Variants in DPYD observed in about 807,000 individuals in gnomAD.
The protein encoded by DPYD is dihydropyrimidine dehydrogenase.
Under a neutral mutation model 116.2 loss-of-function variants are expected in DPYD, and 109 were observed. The ratio of observed to expected loss-of-function variants is 0.94; its 90% CI spans 0.80 to 1.10. DPYD has a LOEUF of 1.10. DPYD is among the 50% of genes least tolerant of loss of function. DPYD has a pLI of 0.00. For synonymous variants in DPYD, 440 were observed against 432.0 expected, an observed-to-expected ratio of 1.02 and a Z score of -0.23; for missense variants, 1,302 against 1,254.5, an observed-to-expected ratio of 1.04 and a Z score of -0.57.
At chr1:97,279,033 C>T (rs530070710) in intron 18 of DPYD, among the ~76,000 whole-genome samples, 9 of 152,036 alleles carry the variant, frequency 5.9e-5, no homozygotes, top group Non-Finnish European at 1.0e-4. Flanking sequence ...ATTCTAGATT[C>T]AGGTGACGGA....
intron 20 of DPYD, among the ~76,000 whole-genome samples, chr1:97,155,655 A>G (rs928648263): frequency 5.3e-5 from 8 of 152,146 alleles, no homozygotes; most frequent in African/African-American, 1.9e-4. Context: ...TCACAGATTC[A>G]TATCTTACAT....
chr1:97,881,486 T>C (rs1401091773), intron 2 of DPYD, among the ~76,000 whole-genome samples: 1 of 152,078 alleles, frequency 6.6e-6, no homozygotes, highest in Non-Finnish European at 1.5e-5. Flanking sequence ...AAATGAATAT[T>C]GTCAAAGATA....
chr1:97,657,728 T>C (rs1224670934), intron 8 of DPYD, among the ~76,000 whole-genome samples: 1 of 152,156 alleles, frequency 6.6e-6, no homozygotes, highest in African/African-American at 2.4e-5. Context: ...ATTTTTATCT[T>C]AATAACGGTA....
intron 16 of DPYD, among the ~76,000 whole-genome samples, chr1:97,349,551 G>A (rs1041203866): frequency 1.4e-4 from 22 of 151,980 alleles, no homozygotes; most frequent in Non-Finnish European, 2.8e-4. Context: ...CTGTGTCCAT[G>A]TGTTCTCATT....
intron 8 of DPYD, among the ~76,000 whole-genome samples, chr1:97,643,181 T>A (rs906408936): frequency 6.6e-6 from 1 of 151,916 alleles, no homozygotes; most frequent in Non-Finnish European, 1.5e-5. Context: ...TTGTAATCTA[T>A]CCATCTGACA....
intron 13 of DPYD, among the ~76,000 whole-genome samples, chr1:97,458,115 C>T (rs1322279167): frequency 6.6e-6 from 1 of 152,160 alleles, no homozygotes; most frequent in Non-Finnish European, 1.5e-5. Context: ...CCCAGAATAG[C>T]AGCTGTGAAG....
intron 14 of DPYD, among the ~76,000 whole-genome samples, chr1:97,447,226 G>A (rs1200398609): frequency 1.3e-5 from 2 of 152,226 alleles, no homozygotes; most frequent in Non-Finnish European, 2.9e-5. Context: ...AGCTGCCACA[G>A]TGGGTTGAAT....
At chr1:97,570,297 G>A (rs1468893470) in intron 11 of DPYD, among the ~76,000 whole-genome samples, 1 of 151,912 alleles carries the variant, frequency 6.6e-6, no homozygotes, top group Non-Finnish European at 1.5e-5. Flanking sequence ...ATTGCAACCA[G>A]AGACTTCTGA....
At chr1:97,552,821 C>A (rs1199508984) in intron 11 of DPYD, among the ~76,000 whole-genome samples, 1 of 151,966 alleles carries the variant, frequency 6.6e-6, no homozygotes, top group East Asian at 1.9e-4. Flanking sequence ...CAAATTTCCT[C>A]CTGCTCATTT....
intron 11 of DPYD, among the ~76,000 whole-genome samples, chr1:97,558,283 G>A (rs1012733326): frequency 6.6e-6 from 1 of 151,778 alleles, no homozygotes; most frequent in Non-Finnish European, 1.5e-5. Flanking sequence ...ACTTATTTAA[G>A]TCAGCTACTT....
chr1:97,232,911 T>C (rs777660077), intron 19 of DPYD, among the ~76,000 whole-genome samples: 11 of 152,200 alleles, frequency 7.2e-5, no homozygotes, highest in Non-Finnish European at 1.5e-4. Flanking sequence ...ATCTATCAAT[T>C]CTTTTTTATG....
At chr1:97,447,499 A>T (rs562991421) in intron 14 of DPYD, among the ~76,000 whole-genome samples, 2 of 152,334 alleles carry the variant, frequency 1.3e-5, no homozygotes, top group Non-Finnish European at 1.5e-5. Context: ...CTTCGATATG[A>T]GGAGTAAAAA....
At chr1:97,525,719 G>T (rs1649000185) in intron 12 of DPYD, among the ~76,000 whole-genome samples, 2 of 149,066 alleles carry the variant, frequency 1.3e-5, no homozygotes, top group Admixed American at 1.4e-4. Context: ...CTCTCCAAGA[G>T]CCATCTAGTG....
At chr1:97,735,560 T>C (rs990434362) in intron 4 of DPYD, among the ~76,000 whole-genome samples, 3 of 146,746 alleles carry the variant, frequency 2.0e-5, no homozygotes, top group Non-Finnish European at 4.5e-5. Flanking sequence ...TGGTGGCGGG[T>C]GCCTGTAGTC....
intron 16 of DPYD, among the ~76,000 whole-genome samples, chr1:97,324,573 A>C (rs763673313): frequency 7.9e-5 from 12 of 152,096 alleles, no homozygotes; most frequent in Non-Finnish European, 1.6e-4. Context: ...AAATTACAAG[A>C]GTAAGGCATC....
At chr1:97,560,867 G>C (rs1652094794) in intron 11 of DPYD, among the ~76,000 whole-genome samples, 1 of 152,134 alleles carries the variant, frequency 6.6e-6, no homozygotes, top group African/African-American at 2.4e-5. Flanking sequence ...AAACATAAAG[G>C]ATAAGAATGA....
intron 19 of DPYD, among the ~76,000 whole-genome samples, chr1:97,219,390 G>A (rs1212587373): frequency 6.6e-6 from 1 of 152,130 alleles, no homozygotes; most frequent in Non-Finnish European, 1.5e-5. Context: ...AATGATTCTG[G>A]AAAGAGATGT....
At chr1:97,833,679 C>T (rs1018111754) in intron 2 of DPYD, among the ~76,000 whole-genome samples, 2 of 151,854 alleles carry the variant, frequency 1.3e-5, no homozygotes, top group Non-Finnish European at 2.9e-5. Context: ...CATTCAGCAA[C>T]GACGTTTTCA....
At chr1:97,791,334 A>G (rs1038418988) in intron 3 of DPYD, among the ~76,000 whole-genome samples, 1 of 152,186 alleles carries the variant, frequency 6.6e-6, no homozygotes, top group African/African-American at 2.4e-5. Flanking sequence ...GAACTACTAG[A>G]CTCACAATAT....
Sources: gnomAD v4.1 joint callset for allele counts (sites outside exome capture counted in the v4.1 genomes callset) on GRCh38, gnomAD v4.1.1 for gene constraint, MANE v1.5 for transcripts, NCBI Gene and HGNC (gene_info 2026-07-23, HGNC 2026-07-21) for gene names.